The following GALNT2 variants were observed in gnomAD, a reference collection of about 807,000 sequenced individuals.
GALNT2 encodes the protein polypeptide N-acetylgalactosaminyltransferase 2.
Under a neutral mutation model 81.4 loss-of-function variants are expected in GALNT2, and 31 were observed. The ratio of observed to expected loss-of-function variants is 0.38; its 90% CI spans 0.29 to 0.51. GALNT2 has a LOEUF of 0.51. Ranked by LOEUF, GALNT2 falls within the 20% of genes least tolerant of loss-of-function variation. The pLI is 0.87. For missense variants in GALNT2, 629 were observed against 765.7 expected (o/e 0.82, Z 2.11); for synonymous variants, 303 against 287.4 (o/e 1.05, Z -0.55).
chr1:230,246,580 TG>T (rs1665377426), intron 8 of GALNT2, among the ~76,000 whole-genome samples: 1 of 152,184 alleles, frequency 6.6e-6, no homozygotes, highest in Non-Finnish European at 1.5e-5. Context: ...GGTCTCTTTC[TG>T]GTTGCTCAGA....
chr1:230,132,383 A>G (rs1431426829), intron 1 of GALNT2, among the ~76,000 whole-genome samples: 10 of 152,222 alleles, frequency 6.6e-5, no homozygotes, highest in East Asian at 1.9e-4. Context: ...CTTGGTGGCC[A>G]TCTCTCCAGC....
At chr1:230,078,011 T>G (rs1160227346) in intron 1 of GALNT2, among the ~76,000 whole-genome samples, 1 of 152,174 alleles carries the variant, frequency 6.6e-6, no homozygotes, top group African/African-American at 2.4e-5. Flanking sequence ...CTGGTAAGAA[T>G]GCATCATGGG....
intron 1 of GALNT2, among the ~76,000 whole-genome samples, chr1:230,162,673 T>C (rs1010898724): frequency 6.6e-6 from 1 of 152,172 alleles, no homozygotes. Flanking sequence ...TAAATACTGT[T>C]TATAAAAACA....
intron 1 of GALNT2, among the ~76,000 whole-genome samples, chr1:230,110,530 T>TA (rs761756873): frequency 2.6e-5 from 4 of 152,164 alleles, no homozygotes; most frequent in South Asian, 4.1e-4. Context: ...TAAATGGGGA[T>TA]AATCAAAGCT....
chr1:230,090,158 A>G (rs1446388266), intron 1 of GALNT2, among the ~76,000 whole-genome samples: 7 of 152,188 alleles, frequency 4.6e-5, no homozygotes, highest in Non-Finnish European at 7.3e-5. Flanking sequence ...GTTTGACCCC[A>G]TATGTGGGTG....
intron 1 of GALNT2, among the ~76,000 whole-genome samples, chr1:230,147,281 G>A (rs1661950400): frequency 6.6e-6 from 1 of 152,200 alleles, no homozygotes; most frequent in Admixed American, 6.5e-5. Flanking sequence ...CCTTTCCTCT[G>A]GCATTTTCTA....
At chr1:230,073,181 A>G (rs1659428744) in intron 1 of GALNT2, among the ~76,000 whole-genome samples, 1 of 152,212 alleles carries the variant, frequency 6.6e-6, no homozygotes, top group Non-Finnish European at 1.5e-5. Context: ...TGTGCTCACC[A>G]GTGATCACTC....
intron 1 of GALNT2, among the ~76,000 whole-genome samples, chr1:230,081,780 C>T (rs182564100): frequency 6.6e-5 from 10 of 152,310 alleles, no homozygotes; most frequent in Admixed American, 6.5e-4. Context: ...TGAAAACCCA[C>T]GTTTGGTCAT....
At chr1:230,064,686 A>G (rs1001914974), upstream of GALNT2, among the ~76,000 whole-genome samples, 1 of 151,764 alleles carries the variant, frequency 6.6e-6, no homozygotes, top group Non-Finnish European at 1.5e-5. Flanking sequence ...TAAGTTTCAT[A>G]TTTTTTTTAG....
At chr1:230,075,329 C>T (rs1177183843) in intron 1 of GALNT2, among the ~76,000 whole-genome samples, 1 of 152,016 alleles carries the variant, frequency 6.6e-6, no homozygotes, top group East Asian at 1.9e-4. Context: ...TTTCACCACC[C>T]AGGCTGGTCT....
chr1:230,067,651 C>T (rs1037826971), intron 1 of GALNT2, among the ~76,000 whole-genome samples: 2 of 152,090 alleles, frequency 1.3e-5, no homozygotes, highest in Non-Finnish European at 2.9e-5. Context: ...TGGACGTCGC[C>T]CCTCTCTCTG....
chr1:230,099,557 G>A (rs897815476), intron 1 of GALNT2, among the ~76,000 whole-genome samples: 2 of 152,204 alleles, frequency 1.3e-5, no homozygotes, highest in Admixed American at 6.5e-5. Flanking sequence ...AGAAATGCCA[G>A]CTGGGAAGCC....
At chr1:230,145,885 T>C (rs572767529) in intron 1 of GALNT2, among the ~76,000 whole-genome samples, 34 of 152,240 alleles carry the variant, frequency 2.2e-4, no homozygotes, top group Non-Finnish European at 4.3e-4. Flanking sequence ...GCCCAGCCCC[T>C]CTGGGAAGTG....
Position 230,263,238 on chromosome 1 carries a change from G to A in GALNT2, c.1313+233G>A. On this transcript the variant is annotated intron_variant, in intron 13 of 15. Transcript: ENST00000366672. ...CCCTCCCATGCTTCGGAGTCCCAGA[G>A]GCAGTCCCCCGGGCCTCACCTTGTT... 3 of 537,490 alleles carry A rather than the reference G, an allele frequency of 5.6e-6. No homozygotes were observed. In the South Asian group the frequency reaches 6.8e-5, roughly 12 times the overall value. The allele number at this position is 537,490 out of a possible 1,614,324, so 33.3% of individuals were successfully genotyped here. A position where few individuals can be genotyped will look rare whatever the true frequency, so the allele number is the denominator to read the frequency against.
intron 1 of GALNT2, among the ~76,000 whole-genome samples, chr1:230,099,587 G>A (rs1468329611): frequency 6.6e-6 from 1 of 152,186 alleles, no homozygotes; most frequent in South Asian, 2.1e-4. Flanking sequence ...GGTAGCATAT[G>A]CTCCATTGCC....
intron 1 of GALNT2, among the ~76,000 whole-genome samples, chr1:230,126,287 G>A (rs1177453592): frequency 1.3e-5 from 2 of 152,184 alleles, no homozygotes; most frequent in Admixed American, 6.5e-5. Context: ...CCAGTTCGGC[G>A]GGGGCAGGCA....
intron 14 of GALNT2, among the ~76,000 whole-genome samples, chr1:230,273,018 C>T (rs904156601): frequency 6.6e-6 from 1 of 152,066 alleles, no homozygotes; most frequent in African/African-American, 2.4e-5. Context: ...GCAGTTCTCC[C>T]GCCTTGGCCC....
chr1:230,187,864 C>A (rs1421704005), intron 2 of GALNT2, among the ~76,000 whole-genome samples: 1 of 151,612 alleles, frequency 6.6e-6, no homozygotes, highest in East Asian at 1.9e-4. Context: ...CAAGCTGATT[C>A]TCTCCAACAT....
At chr1:230,119,640 C>T (rs572406646) in intron 1 of GALNT2, among the ~76,000 whole-genome samples, 2 of 152,184 alleles carry the variant, frequency 1.3e-5, no homozygotes, top group South Asian at 4.2e-4. Flanking sequence ...AGAGAACTCC[C>T]CCCACCCCCA....
Sources: allele counts gnomAD v4.1 joint callset (sites outside exome capture counted in the v4.1 genomes callset), GRCh38; gene constraint gnomAD v4.1.1; transcripts MANE v1.5; gene names NCBI Gene and HGNC (gene_info 2026-07-23, HGNC 2026-07-21).